The following CYP2R1 variants were observed in gnomAD, a reference collection of about 807,000 sequenced individuals.
CYP2R1 encodes cytochrome P450 family 2 subfamily R member 1.
CYP2R1 carries 40 observed loss-of-function variants against 45.7 expected under a neutral mutation model. The observed-to-expected ratio is 0.87, with a 90% confidence interval of 0.68 to 1.14. The LOEUF (loss-of-function observed/expected upper bound fraction) is 1.14. CYP2R1 is among the 50% of genes most tolerant of loss of function. The pLI, the probability that CYP2R1 is intolerant of heterozygous loss-of-function variation, is 0.00. For synonymous variants in CYP2R1, 234 were observed against 219.3 expected (o/e 1.07, Z -0.59); for missense variants, 605 against 602.6 (o/e 1.00, Z -0.04).
chr11:14,887,771 G>C (rs1848675882), intron 1 of CYP2R1: 1 of 227,652 alleles, frequency 4.4e-6, no homozygotes, highest in Middle Eastern at 2.2e-3. Flanking sequence ...CACCCACACT[G>C]ACTCATTATC....
intron 2 of CYP2R1, among the ~76,000 whole-genome samples, chr11:14,881,945 A>G (rs1848403244): frequency 6.6e-6 from 1 of 152,140 alleles, no homozygotes; most frequent in Non-Finnish European, 1.5e-5. Context: ...AAAATGTCAC[A>G]TTCTCTTGTG....
chr11:14,888,241 A>G (rs1357384756), intron 1 of CYP2R1, among the ~76,000 whole-genome samples: 3 of 152,162 alleles, frequency 2.0e-5, no homozygotes, highest in Admixed American at 2.0e-4. Context: ...TCTTCCCCCA[A>G]CTAGAATATA....
intron 1 of CYP2R1, chr11:14,887,397 G>T (rs1311675079): frequency 6.2e-6 from 1 of 161,348 alleles, no homozygotes; most frequent in Non-Finnish European, 1.3e-5. Context: ...GGGTAGAACT[G>T]GAGAAATTTT....
chr11:14,883,622 G>A (rs1848481556), intron 2 of CYP2R1, among the ~76,000 whole-genome samples: 1 of 152,076 alleles, frequency 6.6e-6, no homozygotes, highest in South Asian at 2.1e-4. Flanking sequence ...AGATAGGCAT[G>A]GGCAAGGACT....
chr11:14,883,609 A>G (rs1848480001), intron 2 of CYP2R1, among the ~76,000 whole-genome samples: 1 of 152,120 alleles, frequency 6.6e-6, no homozygotes, highest in Admixed American at 6.6e-5. Context: ...ATTACCATTC[A>G]GGAGATAGGC....
intron 1 of CYP2R1, chr11:14,891,676 A>C: frequency 8.6e-7 from 1 of 1,163,546 alleles, no homozygotes. Flanking sequence ...GCGGCTGGCG[A>C]GCCAAACGGC....
Position 14,880,591 on chromosome 11 carries a change from A to AAAT in CYP2R1, c.544_545insATT (p.Gln181_Leu182insTyr), listed in dbSNP as rs1846493414. 1 of 1,613,030 alleles carries AAAT rather than the reference A, an allele frequency of 6.2e-7. No individual in the cohort carries two copies. Among genetic ancestry groups the AAAT allele is most frequent in the African/African-American group, 1.3e-5 (1 of 74,888 alleles). On this transcript the variant is annotated inframe_insertion, in exon 3 of 5. Coordinates refer to ENST00000334636, the MANE Select transcript of CYP2R1 (RefSeq NM_024514.5). ...TATGTTTGAAACAGCATTCGTTATT[A>AAAT]ACTGTTTAAAGTCAAAAGGTCTACC...
Position 14,885,877 on chromosome 11 carries a change from A to G in CYP2R1, c.266T>C (p.Leu89Pro). 1 of 1,613,698 alleles carries G rather than the reference A, an allele frequency of 6.2e-7. No individual in the cohort carries two copies. Among genetic ancestry groups the G allele is most frequent in the Non-Finnish European group, 8.5e-7 (1 of 1,179,724 alleles). ...LDLGGISTVV[L>P]NGYDVVKECL... Reference sequence around the variant, plus strand: ...TTCCTTTACTACATCATAGCCATTTAGAACCACAGTTGATATGCCTCCAAG... The same window carrying G: ...TTCCTTTACTACATCATAGCCATTTGGAACCACAGTTGATATGCCTCCAAG... The change falls in exon 2 of 5, where the codon CTA becomes CCA. Residue 89 changes from leucine to proline, a missense_variant. Physicochemically the swap from Leu to Pro is moderately conservative, Grantham distance 98. Transcript: ENST00000334636.
In CYP2R1 at chr11:14,892,092, G is replaced by A; in HGVS notation, c.114C>T (p.Gly38=). 6.2e-7 allele frequency: 1 copy of A among 1,611,662 alleles called. No homozygotes were observed. Among genetic ancestry groups the A allele is most frequent in the Middle Eastern group, 1.8e-4 (1 of 5,604 alleles). Residue 38 remains glycine, a synonymous_variant, in exon 1 of 5, where the codon GGC becomes GGT. Transcript: ENST00000334636. ...GCAGCCCCGGCGGCCCCGGGGGGAAGCCCATCGGCCGCCTCTGCTTCAGCA... is the reference window on the plus strand; with the variant it reads ...GCAGCCCCGGCGGCCCCGGGGGGAAACCCATCGGCCGCCTCTGCTTCAGCA... ...RQLLKQRRPM[G]FPPGPPGLPF...
At chr11:14,888,369 C>G (rs1848698616) in intron 1 of CYP2R1, among the ~76,000 whole-genome samples, 1 of 152,146 alleles carries the variant, frequency 6.6e-6, no homozygotes, top group Non-Finnish European at 1.5e-5. Flanking sequence ...TAGAGACATA[C>G]ATTTAAACAT....
intron 1 of CYP2R1, chr11:14,891,709 G>T: frequency 8.1e-7 from 1 of 1,241,218 alleles, no homozygotes; most frequent in Non-Finnish European, 1.0e-6. Context: ...GCAAGAGCTC[G>T]AGCGGTAGCG....
Position 14,885,813 on chromosome 11 carries a change from T to G in CYP2R1, c.330A>C (p.Pro110=), listed in dbSNP as rs138438430. 5.6e-6 allele frequency: 9 copies of G among 1,613,218 alleles called. No homozygotes were observed. In the African/African-American group the frequency reaches 1.1e-4, roughly 19 times the overall value. The change falls in exon 2 of 5, where the codon CCA becomes CCC. Residue 110 remains proline (P), a synonymous_variant. Coordinates refer to ENST00000334636, the MANE Select transcript of CYP2R1 (RefSeq NM_024514.5). The part of the protein sequence containing the change: ...VHQSEIFADR[P]CLPLFMKMTK... ...TCATCTTCATGAATAAAGGAAGGCA[T>G]GGTCTGTCTGCAAAAATTTCGCTTT...
intron 2 of CYP2R1, among the ~76,000 whole-genome samples, chr11:14,882,141 T>C (rs1164370324): frequency 6.6e-6 from 1 of 152,140 alleles, no homozygotes; most frequent in Non-Finnish European, 1.5e-5. Flanking sequence ...TCATTTAACA[T>C]GTATTTGTGG....
intron 1 of CYP2R1, chr11:14,887,739 T>C (rs369599847): frequency 1.6e-6 from 1 of 631,060 alleles, no homozygotes; most frequent in African/African-American, 2.0e-5. Flanking sequence ...CTTCAAGTGG[T>C]TGAGGCCCAG....
chr11:14,885,243 T>A (rs1297740295), intron 2 of CYP2R1, among the ~76,000 whole-genome samples: 13 of 152,154 alleles, frequency 8.5e-5, no homozygotes, highest in Admixed American at 8.5e-4. Context: ...CTTACCGATT[T>A]TGTCAACTTT....
upstream of CYP2R1, chr11:14,892,335 T>A (rs1590238666): frequency 1.4e-5 from 12 of 877,588 alleles, no homozygotes; most frequent in Non-Finnish European, 1.6e-5. Context: ...GCTGACTGAG[T>A]GAGCGCTCAG....
chr11:14,884,629 T>C (rs1740748808), intron 2 of CYP2R1, among the ~76,000 whole-genome samples: 1 of 151,840 alleles, frequency 6.6e-6, no homozygotes, highest in Non-Finnish European at 1.5e-5. Flanking sequence ...CATGTATACA[T>C]ATGTAACTAA....
chr11:14,880,073 T>C, intron 3 of CYP2R1, 63 bp downstream of exon 3: 1 of 1,570,572 alleles, frequency 6.4e-7, no homozygotes, highest in Non-Finnish European at 8.7e-7. Flanking sequence ...TGGCCAAGAC[T>C]CAAAAACATG....
Position 14,877,592 on chromosome 11 carries a change from G to A in CYP2R1, c.*530C>T, listed in dbSNP as rs1848207280. ...GAAGCAAGATATGAAAGCACTGGCA[G>A]GCTCTACATTAAATACATATTTCTT... On this transcript the variant is annotated 3_prime_UTR_variant, in exon 5 of 5. Transcript: ENST00000334636. 1.3e-5 allele frequency: 2 copies of A among 152,402 alleles called. No homozygotes were observed. Among genetic ancestry groups the A allele is most frequent in the South Asian group, 4.1e-4 (2 of 4,840 alleles). The allele number at this position is 152,402 out of a possible 1,614,324, so 9.4% of individuals were successfully genotyped here.
Sources: allele counts gnomAD v4.1 joint callset (sites outside exome capture counted in the v4.1 genomes callset), GRCh38; gene constraint gnomAD v4.1.1; transcripts MANE v1.5; gene names NCBI Gene and HGNC (gene_info 2026-07-23, HGNC 2026-07-21).